The following ATP8A1 variants were observed in gnomAD, a reference collection of about 807,000 sequenced individuals.
ATP8A1 encodes phospholipid-transporting ATPase IA.
A neutral mutation model predicts 177.7 loss-of-function variants in ATP8A1; 90 were observed. That is an observed-to-expected ratio of 0.51 (90% CI 0.43 to 0.60). The LOEUF (loss-of-function observed/expected upper bound fraction) is 0.60, where lower values mean the gene tolerates loss of function less well. Ranked by LOEUF, ATP8A1 falls within the 20% of genes least tolerant of loss-of-function variation. ATP8A1 has a pLI of 0.00. For missense variants in ATP8A1, 1,072 were observed against 1,392.8 expected (o/e 0.77, Z 3.67); for synonymous variants, 493 against 485.9 (o/e 1.01, Z -0.19).
intron 22 of ATP8A1, among the ~76,000 whole-genome samples, chr4:42,514,162 A>G (rs1725285491): frequency 6.6e-6 from 1 of 152,228 alleles, no homozygotes; most frequent in Non-Finnish European, 1.5e-5. Flanking sequence ...GCCAAGAAAT[A>G]GATTTTAACT....
chr4:42,433,624 G>A (rs973551176), intron 33 of ATP8A1, among the ~76,000 whole-genome samples: 5 of 151,302 alleles, frequency 3.3e-5, no homozygotes, highest in Non-Finnish European at 5.9e-5. Flanking sequence ...CTCTTGGCTT[G>A]GGTTATCCCA....
At chr4:42,575,514 G>A in intron 13 of ATP8A1, 108 bp downstream of exon 13, 8 of 824,056 alleles carry the variant, frequency 9.7e-6, no homozygotes, top group Non-Finnish European at 1.4e-5. Flanking sequence ...TATTCAAATA[G>A]TGGAAAATTA....
At chr4:42,418,183 C>T (rs963434333) in intron 35 of ATP8A1, among the ~76,000 whole-genome samples, 1 of 152,084 alleles carries the variant, frequency 6.6e-6, no homozygotes, top group African/African-American at 2.4e-5. Flanking sequence ...CCTCATATTC[C>T]CTACTCTCCC....
chr4:42,614,914 T>C (rs193213566), intron 5 of ATP8A1, among the ~76,000 whole-genome samples: 285 of 152,320 alleles, frequency 1.9e-3, no homozygotes, highest in African/African-American at 6.6e-3. Context: ...TAGCTCAAGA[T>C]ACACCACAGT....
intron 30 of ATP8A1, among the ~76,000 whole-genome samples, chr4:42,451,301 G>T (rs1204800174): frequency 1.3e-5 from 2 of 152,150 alleles, no homozygotes; most frequent in Admixed American, 1.3e-4. Flanking sequence ...TTGTGTTTTT[G>T]ATTACCGTAG....
At chr4:42,494,459 A>G (rs949677879) in intron 24 of ATP8A1, among the ~76,000 whole-genome samples, 3 of 152,188 alleles carry the variant, frequency 2.0e-5, no homozygotes, top group African/African-American at 7.2e-5. Context: ...TGGGCGACAG[A>G]GTGAGACTCC....
chr4:42,448,171 G>A (rs189253467), intron 30 of ATP8A1, among the ~76,000 whole-genome samples: 56 of 152,170 alleles, frequency 3.7e-4, no homozygotes, highest in African/African-American at 1.2e-3. Context: ...AAAAAAATAA[G>A]TGAGAAAAAT....
chr4:42,538,240 C>G (rs1433787563), intron 20 of ATP8A1, among the ~76,000 whole-genome samples: 1 of 152,154 alleles, frequency 6.6e-6, no homozygotes, highest in African/African-American at 2.4e-5. Flanking sequence ...ACTGGATCCT[C>G]ATCTGTCATC....
At chr4:42,581,002 T>C (rs1347477783) in intron 10 of ATP8A1, among the ~76,000 whole-genome samples, 4 of 152,228 alleles carry the variant, frequency 2.6e-5, no homozygotes, top group African/African-American at 9.6e-5. Flanking sequence ...TCACTTATCA[T>C]GACATGGACG....
intron 15 of ATP8A1, among the ~76,000 whole-genome samples, chr4:42,556,622 TTGTGGCTATCTTCAGA>T (rs1481611518): frequency 6.6e-6 from 1 of 152,124 alleles, no homozygotes; most frequent in African/African-American, 2.4e-5. Context: ...AATTTTTGTG[TTGTGGCTATCTTCAGA>T]TGAGCAAATG....
rs1365990411 is a variant in ATP8A1 at position 42,455,332 on chromosome 4, T to G, written c.2782A>C (p.Lys928Gln). The G allele has an allele frequency of 6.2e-7, 1 of 1,613,896 alleles. No homozygotes were observed. ...ENMLKYPELYKTSQNALDFNT... is the reference protein window; with the variant it reads ...ENMLKYPELYQTSQNALDFNT... ...AAGTCCAGGGCATTCTGAGATGTTTTGTATAATTCAGGGTACTTCAACATG... is the reference window on the plus strand; with the variant it reads ...AAGTCCAGGGCATTCTGAGATGTTTGGTATAATTCAGGGTACTTCAACATG... Residue 928 changes from lysine (K) to glutamine (Q), a missense_variant, in exon 29 of 37, where the codon AAA (lysine) becomes CAA (glutamine). Lys to Gln is a moderately conservative substitution (Grantham distance 53). This residue lies in a region of ATP8A1 where 316 missense variants were observed against 459.1 expected (regional missense o/e 0.69). Transcript: ENST00000381668.
chr4:42,635,780 C>CATATATATATATATATATAT (rs1317800276), intron 1 of ATP8A1, among the ~76,000 whole-genome samples: 87 of 43,394 alleles, frequency 2.0e-3, no homozygotes, highest in Non-Finnish European at 3.2e-3. Flanking sequence ...CACACACACA[C>CATATATATATATATATATAT]ACATATATAT....
chr4:42,604,255 C>T (rs1735576749), intron 5 of ATP8A1, among the ~76,000 whole-genome samples: 3 of 152,210 alleles, frequency 2.0e-5, no homozygotes, highest in African/African-American at 7.2e-5. Flanking sequence ...TCTAAATGAG[C>T]TCCGTGCACT....
chr4:42,639,231 A>C (rs1739692599), intron 1 of ATP8A1, among the ~76,000 whole-genome samples: 1 of 152,150 alleles, frequency 6.6e-6, no homozygotes, highest in East Asian at 1.9e-4. Context: ...AAAAAAGATC[A>C]CAGGAAAGGT....
In ATP8A1 at chr4:42,522,144, A is replaced by G; in HGVS notation, c.1947+16T>C. The G allele has an allele frequency of 6.3e-7, 1 of 1,594,766 alleles. No individual in the cohort carries two copies. Among genetic ancestry groups the G allele is most frequent in the Non-Finnish European group, 8.5e-7 (1 of 1,174,896 alleles). ...AAACCAAACCCTCTGTATGATCAAC[A>G]GAATCATCCACGTACCTTTTCAATC... On this transcript the variant is annotated intron_variant, in intron 22 of 36. Transcript: ENST00000381668.
chr4:42,530,067 A>G (rs548078799), intron 20 of ATP8A1, among the ~76,000 whole-genome samples: 1 of 152,334 alleles, frequency 6.6e-6, no homozygotes, highest in East Asian at 1.9e-4. Context: ...GAGGAGTTTA[A>G]TAATCAAGTG....
intron 34 of ATP8A1, among the ~76,000 whole-genome samples, 193 bp from the exon 35 acceptor site, chr4:42,423,092 G>A (rs559648306): frequency 7.4e-4 from 112 of 151,820 alleles, no homozygotes; most frequent in Non-Finnish European, 1.1e-3. Flanking sequence ...AATAAATGAT[G>A]GTTTAGGTTT....
At position 42,422,833 on chromosome 4, in the gene ATP8A1, G is replaced by A. The variant is rs757504455; in HGVS notation, c.3279C>T (p.Asp1093=). 5 of 1,612,658 alleles carry A rather than the reference G, an allele frequency of 3.1e-6. No individual in the cohort carries two copies. The highest frequency in any genetic ancestry group is 1.7e-5 in the Admixed American group (1 of 59,974). The change falls in exon 35 of 37, where the codon GAC becomes GAT. Residue 1093 remains aspartate (D), a synonymous_variant. Transcript: ENST00000381668. ...EVQELEAKSQ[D]PGAVVLGKSL... is the part of the protein sequence containing the mutation. ...TTTTTCCAAGTACAACTGCTCCTGG[G>A]TCTTGAGATTTTGCCTCCAGCTCCT... is the stretch of plus-strand genomic sequence containing the variant.
chr4:42,600,330 T>C, intron 6 of ATP8A1, 148 bp downstream of exon 6: 1 of 472,292 alleles, frequency 2.1e-6, no homozygotes. Flanking sequence ...TGAATGTGAC[T>C]GAAGATGCCA....
Sources: gnomAD v4.1 joint callset for allele counts (sites outside exome capture counted in the v4.1 genomes callset) on GRCh38, gnomAD v4.1.1 for gene constraint, gnomAD v4.1.1 regional missense constraint, MANE v1.5 for transcripts, NCBI Gene and HGNC (gene_info 2026-07-23, HGNC 2026-07-21) for gene names.